The following DYNC2H1 variants were observed in gnomAD, a reference collection of about 807,000 sequenced individuals.
The protein encoded by DYNC2H1 is dynein cytoplasmic 2 heavy chain 1.
In DYNC2H1, 410 loss-of-function variants were observed where a neutral mutation model predicts 570.0. That is an observed-to-expected ratio of 0.72 (90% CI 0.66 to 0.78). DYNC2H1 has a LOEUF of 0.78. Ranked by LOEUF, DYNC2H1 falls within the 30% of genes least tolerant of loss-of-function variation. DYNC2H1 has a pLI of 0.00. For missense variants in DYNC2H1, 4,865 were observed against 5,046.4 expected (o/e 0.96, Z 1.09); for synonymous variants, 1,688 against 1,677.6 (o/e 1.01, Z -0.15).
chr11:103,240,033 T>TA (rs397932744), intron 63 of DYNC2H1, among the ~76,000 whole-genome samples: 1 of 151,986 alleles, frequency 6.6e-6, no homozygotes, highest in African/African-American at 2.4e-5. Context: ...CACCATTTTT[T>TA]AAGTCAAAAA....
chr11:103,277,710 CT>C lies in DYNC2H1; in HGVS notation c.10696-2636del, dbSNP rs1451737251. Among the ~76,000 whole-genome samples the C allele has an allele frequency of 2.0e-5, 3 of 152,294 alleles. No homozygotes were observed. The highest frequency in any genetic ancestry group is 7.2e-5 in the African/African-American group (3 of 41,572). ...TCTCTAAAGCAAGCTTGCCTCGACT[CT>C]TACCAGGTAACCTAGTGACATCATG... On this transcript the variant is annotated intron_variant, in intron 70 of 88. Coordinates refer to ENST00000375735, the MANE Select transcript of DYNC2H1 (RefSeq NM_001377.3). The surrounding 1 kb of genome is among the most constrained non-coding windows in gnomAD (Gnocchi z 4.3).
chr11:103,187,234 A>C (rs574572951), intron 42 of DYNC2H1, 106 bp from the exon 43 acceptor site: 2 of 1,473,412 alleles, frequency 1.4e-6, no homozygotes, highest in Admixed American at 4.7e-5. Flanking sequence ...CATCATATAC[A>C]TTTTAGAAAC....
chr11:103,292,810 T>C (rs1345882860), intron 75 of DYNC2H1, among the ~76,000 whole-genome samples: 1 of 152,272 alleles, frequency 6.6e-6, no homozygotes, highest in Non-Finnish European at 1.5e-5. Context: ...CCTTCTGCCA[T>C]CAGTAACAGC....
Position 103,304,678 on chromosome 11 carries a change from G to A in DYNC2H1, c.11340G>A (p.Lys3780=). Reference sequence around the variant, plus strand: ...GCAATGGAGACTGGCTCTGTTTGAAGAACTTACATCTTGTGGTATCTTGGC... The same window carrying A: ...GCAATGGAGACTGGCTCTGTTTGAAAAACTTACATCTTGTGGTATCTTGGC... ...CARNGDWLCL[K]NLHLVVSWLP... Residue 3780 remains lysine (K), a synonymous_variant, in exon 77 of 89, where the codon AAG becomes AAA. Coordinates refer to ENST00000375735, the MANE Select transcript of DYNC2H1 (RefSeq NM_001377.3). The A allele has an allele frequency of 1.2e-6, 2 of 1,613,278 alleles. No homozygotes were observed. The highest frequency in any genetic ancestry group is 2.2e-5 in the East Asian group (1 of 44,826).
Position 103,171,988 on chromosome 11 carries a change from C to T in DYNC2H1, c.5334+920C>T, listed in dbSNP as rs561926563. On this transcript the variant is annotated intron_variant, in intron 34 of 88. Transcript: ENST00000375735. ...AATATAAATTCGTTTGTACAGAAAACGTAAACTTTTTTATATAATGTGGAT... is the reference window on the plus strand; with the variant it reads ...AATATAAATTCGTTTGTACAGAAAATGTAAACTTTTTTATATAATGTGGAT... Among the ~76,000 whole-genome samples the T allele has an allele frequency of 4.6e-5, 7 of 152,170 alleles. No homozygotes were observed. The South Asian group carries it at 1.2e-3, about 27-fold the overall frequency.
At chr11:103,390,298 T>C (rs1269642180) in intron 83 of DYNC2H1, among the ~76,000 whole-genome samples, 2 of 151,116 alleles carry the variant, frequency 1.3e-5, no homozygotes, top group Admixed American at 1.3e-4. Flanking sequence ...AAGTCTGTTT[T>C]ATCAGAGACT....
chr11:103,121,876 G>C (rs1858729247), intron 10 of DYNC2H1, among the ~76,000 whole-genome samples: 1 of 152,116 alleles, frequency 6.6e-6, no homozygotes, highest in Non-Finnish European at 1.5e-5. Context: ...ACCTGAACCT[G>C]GGATATTGAG....
At chr11:103,420,403 A>G (rs1054553130) in intron 84 of DYNC2H1, among the ~76,000 whole-genome samples, 8 of 152,190 alleles carry the variant, frequency 5.3e-5, no homozygotes, top group African/African-American at 1.9e-4. Context: ...CTACAAGAAG[A>G]TCAACCCTGA....
chr11:103,348,499 T>A (rs1166680042), intron 82 of DYNC2H1, among the ~76,000 whole-genome samples: 1 of 152,084 alleles, frequency 6.6e-6, no homozygotes, highest in Admixed American at 6.6e-5. Context: ...TTTTTATCAG[T>A]ATGGATTAGT....
chr11:103,398,797 TAAG>T (rs1040258467), intron 83 of DYNC2H1, among the ~76,000 whole-genome samples: 31 of 152,156 alleles, frequency 2.0e-4, no homozygotes, highest in African/African-American at 7.2e-4. Context: ...CAGTTTTTCT[TAAG>T]AAACCCCAGA....
rs767852658 is a variant in DYNC2H1 at position 103,199,293 on chromosome 11, G to A, written c.7905G>A (p.Glu2635=). ...TTTTACTTTTCCACGAAGTCTTGGA[G>A]TATATGTCTAGGATAGATAGAGTGC... ...LDILLFHEVL[E]YMSRIDRVLS... is the part of the protein sequence containing the mutation. Residue 2635 remains glutamate, a synonymous_variant, in exon 49 of 89, where the codon GAG becomes GAA. Coordinates refer to ENST00000375735, the MANE Select transcript of DYNC2H1 (RefSeq NM_001377.3). This position sits in a 1 kb window ranked among gnomAD's most constrained non-coding sequence, Gnocchi z 4.6. The A allele has an allele frequency of 1.7e-5, 27 of 1,611,008 alleles. No homozygotes were observed. The East Asian group carries it at 5.1e-4, about 31-fold the overall frequency.
chr11:103,332,317 A>G (rs1363258954), intron 82 of DYNC2H1, among the ~76,000 whole-genome samples: 5 of 137,836 alleles, frequency 3.6e-5, no homozygotes, highest in African/African-American at 1.4e-4. Flanking sequence ...ACTGGGAAAA[A>G]AAAAAAAAAA....
intron 60 of DYNC2H1, among the ~76,000 whole-genome samples, chr11:103,231,885 T>C (rs541794370): frequency 6.6e-6 from 1 of 151,896 alleles, no homozygotes; most frequent in Non-Finnish European, 1.5e-5. Context: ...TCTCTCCCCC[T>C]CTCTCTCTTC....
rs1019688310 is a variant in DYNC2H1 at position 103,326,227 on chromosome 11, G to C, written c.12039+2237G>C. Among the ~76,000 whole-genome samples the C allele has an allele frequency of 2.6e-5, 4 of 152,092 alleles. No individual in the cohort carries two copies. Among genetic ancestry groups the C allele is most frequent in the African/African-American group, 9.7e-5 (4 of 41,402 alleles). On this transcript the variant is annotated intron_variant, in intron 82 of 88. Transcript: ENST00000375735. This position sits in a 1 kb window ranked among gnomAD's most constrained non-coding sequence, Gnocchi z 6.1. ...TCCTTGTTTTCGCAGGCACGTTCTT[G>C]GGAGTAGAGGGAGGGGCGGGGAATA...
chr11:103,133,599 TA>T lies in DYNC2H1; in HGVS notation c.2000del (p.Asn667IlefsTer5). On this transcript the variant is annotated frameshift_variant, in exon 14 of 89. Coordinates refer to ENST00000375735, the MANE Select transcript of DYNC2H1 (RefSeq NM_001377.3). LOFTEE classifies it high-confidence loss of function. The surrounding 1 kb of genome is among the most constrained non-coding windows in gnomAD (Gnocchi z 4.8). ...SGGKSQITWD[N>X]PKELEGYIQK... ...GAGGGAAATCACAGATAACTTGGGA[TA>T]ATCCTAAAGAATTAGAAGGCTATAT... 1 of 1,611,466 alleles carries T rather than the reference TA, an allele frequency of 6.2e-7. No individual in the cohort carries two copies. Among genetic ancestry groups the T allele is most frequent in the South Asian group, 1.1e-5 (1 of 89,908 alleles).
At chr11:103,440,410 G>A (rs754514328) in intron 85 of DYNC2H1, among the ~76,000 whole-genome samples, 20 of 152,080 alleles carry the variant, frequency 1.3e-4, no homozygotes, top group Non-Finnish European at 2.1e-4. Context: ...CCACAGTGAC[G>A]ACTTGAACTC....
At chr11:103,388,864 T>G (rs1190993151) in intron 83 of DYNC2H1, among the ~76,000 whole-genome samples, 1 of 152,222 alleles carries the variant, frequency 6.6e-6, no homozygotes, top group Non-Finnish European at 1.5e-5. Flanking sequence ...CACTTCATCA[T>G]GGTGGATAAG....
intron 79 of DYNC2H1, among the ~76,000 whole-genome samples, chr11:103,313,828 T>C (rs1379622573): frequency 6.6e-6 from 1 of 152,200 alleles, no homozygotes. Context: ...TTGTGTTGTT[T>C]CTTATAATAT....
rs376854597 is a variant in DYNC2H1 at position 103,304,681 on chromosome 11, C to T, written c.11343C>T (p.Asn3781=). ...ARNGDWLCLK[N]LHLVVSWLPV... ...ATGGAGACTGGCTCTGTTTGAAGAA[C>T]TTACATCTTGTGGTATCTTGGCTGC... Residue 3781 remains asparagine (N), a synonymous_variant, in exon 77 of 89, where the codon AAC becomes AAT. Coordinates refer to ENST00000375735, the MANE Select transcript of DYNC2H1 (RefSeq NM_001377.3). 19 of 1,613,056 alleles carry T rather than the reference C, an allele frequency of 1.2e-5. No individual in the cohort carries two copies. The highest frequency in any genetic ancestry group is 2.7e-5 in the African/African-American group (2 of 74,870).
Sources: allele counts gnomAD v4.1 joint callset (sites outside exome capture counted in the v4.1 genomes callset), GRCh38; gene constraint gnomAD v4.1.1; non-coding constraint Gnocchi (gnomAD v3.1); transcripts MANE v1.5; gene names NCBI Gene and HGNC (gene_info 2026-07-23, HGNC 2026-07-21).